ZNF730: variants seen among roughly 807,000 people sequenced by gnomAD.
ZNF730 encodes putative zinc finger protein 730.
In ZNF730, 12 loss-of-function variants were observed where a neutral mutation model predicts 12.6. The observed-to-expected ratio is 0.95, with a 90% CI of 0.61 to 1.54. ZNF730 has a LOEUF of 1.54. ZNF730 is among the 40% of genes most tolerant of loss of function. The probability of loss-of-function intolerance (pLI) is 0.00; values close to 1 mark genes in which losing one functional copy is unlikely to be tolerated. For synonymous variants in ZNF730, 194 were observed against 195.8 expected, an observed-to-expected ratio of 0.99 and a Z score of 0.08; for missense variants, 643 against 583.5, an observed-to-expected ratio of 1.10 and a Z score of -1.05.
At chr19:23,119,463 T>C (rs981339566) in intron 1 of ZNF730, among the ~76,000 whole-genome samples, 1 of 152,224 alleles carries the variant, frequency 6.6e-6, no homozygotes, top group African/African-American at 2.4e-5. Context: ...TTTACATCAG[T>C]GTTCATCAAG....
chr19:23,129,635 G>C (rs113417272), intron 1 of ZNF730, among the ~76,000 whole-genome samples: 2,215 of 150,950 alleles, frequency 0.015, 54 homozygotes, highest in African/African-American at 0.051. Context: ...CTCATAGGCA[G>C]AAGGGACTTG....
intron 3 of ZNF730, among the ~76,000 whole-genome samples, chr19:23,143,032 C>G (rs1970948327): frequency 6.6e-6 from 1 of 152,064 alleles, no homozygotes; most frequent in South Asian, 2.1e-4. Context: ...ATCATGAGGT[C>G]AGGAGATCGA....
chr19:23,090,556 G>T (rs184694265), intron 1 of ZNF730, among the ~76,000 whole-genome samples: 1 of 152,154 alleles, frequency 6.6e-6, no homozygotes, highest in Admixed American at 6.5e-5. Context: ...CCCATTTTTT[G>T]AGGAGAAATT....
Position 23,129,571 on chromosome 19 carries a change from A to AACC in ZNF730, c.4-4509_4-4508insACC, listed in dbSNP as rs1970716872. 6.3e-5 allele frequency among the ~76,000 whole-genome samples: 7 copies of AACC among 111,608 alleles called. No homozygotes were observed. The East Asian group carries it at 1.6e-3, about 26-fold the overall frequency. 73.2% of individuals were successfully genotyped at this position (111,608 alleles called of 152,430 possible). A position where few individuals can be genotyped will look rare whatever the true frequency, so the allele number is the denominator to read the frequency against. On this transcript the variant is annotated intron_variant, in intron 1 of 3. Transcript: ENST00000597761. Reference sequence around the variant, plus strand: ...ATGACTGTATTTACCCAATGCTTGTATCCCCCCCCCCATTATATCAGGGAA... The same window carrying AACC: ...ATGACTGTATTTACCCAATGCTTGTAACCTCCCCCCCCCCATTATATCAGGGAA...
intron 1 of ZNF730, among the ~76,000 whole-genome samples, chr19:23,084,111 G>C (rs1970015613): frequency 1.3e-5 from 2 of 152,108 alleles, no homozygotes; most frequent in South Asian, 4.1e-4. Flanking sequence ...ATGAGGGGTA[G>C]GGATCTGGTT....
chr19:23,116,469 C>T (rs1970525276), upstream of ZNF730, among the ~76,000 whole-genome samples: 2 of 151,042 alleles, frequency 1.3e-5, no homozygotes, highest in Admixed American at 6.6e-5. Context: ...TTCAGTGGTA[C>T]GATCTCGGCT....
chr19:23,145,061 G>T (rs1239550022), intron 3 of ZNF730, among the ~76,000 whole-genome samples: 2 of 152,134 alleles, frequency 1.3e-5, no homozygotes, highest in Non-Finnish European at 2.9e-5. Context: ...TCTTTGCATT[G>T]TGTTCACCTG....
chr19:23,139,736 G>T (rs912048846), intron 3 of ZNF730, among the ~76,000 whole-genome samples: 2 of 152,022 alleles, frequency 1.3e-5, no homozygotes, highest in African/African-American at 4.8e-5. Context: ...TGTTGGTCAG[G>T]CTGGTCTCGA....
chr19:23,097,597 G>A (rs1052741800), intron 1 of ZNF730, among the ~76,000 whole-genome samples: 4 of 152,108 alleles, frequency 2.6e-5, no homozygotes, highest in Admixed American at 1.3e-4. Flanking sequence ...ATTGTGACAT[G>A]TCTTGGCCCA....
chr19:23,136,493 C>G (rs1349391736), intron 3 of ZNF730, among the ~76,000 whole-genome samples: 1 of 152,156 alleles, frequency 6.6e-6, no homozygotes, highest in African/African-American at 2.4e-5. Context: ...CAACCTCTGT[C>G]TCTCGGATTC....
intron 2 of ZNF730, among the ~76,000 whole-genome samples, chr19:23,135,507 C>T (rs1425942533): frequency 6.6e-6 from 1 of 151,654 alleles, no homozygotes; most frequent in Non-Finnish European, 1.5e-5. Context: ...AATTTCTTTT[C>T]TTTATTTTTT....
chr19:23,127,593 GAAC>G (rs1208617558), intron 1 of ZNF730: 2 of 957,106 alleles, frequency 2.1e-6, no homozygotes, highest in Non-Finnish European at 3.4e-6. Flanking sequence ...TCATGTTGCT[GAAC>G]AACAGAAAAC....
chr19:23,146,189 C>G lies in ZNF730; in HGVS notation c.1145C>G (p.Thr382Ser). 6.2e-7 allele frequency: 1 copy of G among 1,608,928 alleles called. No homozygotes were observed. The highest frequency in any genetic ancestry group is 8.5e-7 in the Non-Finnish European group (1 of 1,177,278). The change falls in exon 4 of 4, where the codon ACT becomes AGT. Residue 382 changes from threonine (T) to serine (S), a missense_variant. Coordinates refer to ENST00000597761, the MANE Select transcript of ZNF730 (RefSeq NM_001277403.2). Reference sequence around the variant, plus strand: ...GGTAAAGCTTTTAACCAATCCTCAACTCTTACTATACATAAGATAATTCAT... The same window carrying G: ...GGTAAAGCTTTTAACCAATCCTCAAGTCTTACTATACATAAGATAATTCAT... Reference protein sequence around the residue: ...ECGKAFNQSSTLTIHKIIHTV... With the variant: ...ECGKAFNQSSSLTIHKIIHTV...
intron 1 of ZNF730, among the ~76,000 whole-genome samples, chr19:23,106,529 T>G (rs1321805913): frequency 6.6e-6 from 1 of 152,112 alleles, no homozygotes; most frequent in Non-Finnish European, 1.5e-5. Flanking sequence ...TGGTTGCTCA[T>G]GCCTGTAATC....
intron 1 of ZNF730, among the ~76,000 whole-genome samples, chr19:23,104,574 G>A (rs1970370587): frequency 6.6e-6 from 1 of 152,102 alleles, no homozygotes; most frequent in East Asian, 1.9e-4. Flanking sequence ...CTTTCCTCTA[G>A]AATTTGGAAA....
At chr19:23,113,203 A>G (rs927805847), upstream of ZNF730, among the ~76,000 whole-genome samples, 8 of 152,216 alleles carry the variant, frequency 5.3e-5, no homozygotes, top group African/African-American at 1.9e-4. Context: ...GTTTGGTTAA[A>G]ATAAGTAGAC....
intron 1 of ZNF730, among the ~76,000 whole-genome samples, chr19:23,096,848 C>A (rs916113126): frequency 6.6e-6 from 1 of 152,180 alleles, no homozygotes; most frequent in Non-Finnish European, 1.5e-5. Flanking sequence ...CTAAGCCCTG[C>A]GTACAGTGTG....
chr19:23,110,514 T>C lies in ZNF730; in HGVS notation c.-93-23566T>C, dbSNP rs545204587. Among the ~76,000 whole-genome samples the C allele has an allele frequency of 5.5e-3, 821 of 148,134 alleles. 4 individuals are homozygous for C. Among genetic ancestry groups the C allele is most frequent in the African/African-American group, 0.019 (753 of 40,012 alleles). On this transcript the variant is annotated intron_variant, in intron 1 of 2. Transcript: ENST00000593635. ...CTGGATGGTCTCGAACTTCTGACCT[T>C]GGGTGATCCACCCGCCTTGGCCTCC...
chr19:23,096,547 C>G (rs758534630), intron 1 of ZNF730, among the ~76,000 whole-genome samples: 1 of 152,172 alleles, frequency 6.6e-6, no homozygotes, highest in Non-Finnish European at 1.5e-5. Flanking sequence ...TCTCATGCAT[C>G]GGCCCTGCCA....
Sources: gnomAD v4.1 joint callset for allele counts (sites outside exome capture counted in the v4.1 genomes callset) on GRCh38, gnomAD v4.1.1 for gene constraint, MANE v1.5 for transcripts, NCBI Gene and HGNC (gene_info 2026-07-23, HGNC 2026-07-21) for gene names.